ESR1: variants seen among roughly 807,000 people sequenced by gnomAD.
The protein encoded by ESR1 is estrogen receptor 1.
ESR1 carries 12 observed loss-of-function variants against 52.7 expected under a neutral mutation model. That is an observed-to-expected ratio of 0.23 (90% CI 0.15 to 0.37). The LOEUF is 0.37. Ranked by LOEUF, ESR1 falls within the 10% of genes least tolerant of loss-of-function variation. The probability of loss-of-function intolerance (pLI) is 1.00; values close to 1 mark genes in which losing one functional copy is unlikely to be tolerated. For synonymous variants in ESR1, 305 were observed against 316.8 expected (o/e 0.96, Z 0.39); for missense variants, 584 against 779.7 (o/e 0.75, Z 2.99).
chr6:152,105,785 T>G (rs552843540), downstream of ESR1, among the ~76,000 whole-genome samples: 1 of 138,120 alleles, frequency 7.2e-6, no homozygotes, highest in Non-Finnish European at 1.6e-5. Context: ...CTTTTTTTTT[T>G]TTTTTTTTTT....
chr6:151,970,321 G>A (rs1356007366), intron 4 of ESR1, among the ~76,000 whole-genome samples: 1 of 151,980 alleles, frequency 6.6e-6, no homozygotes, highest in Non-Finnish European at 1.5e-5. Flanking sequence ...TTCTGTCGTA[G>A]CATACAAGAC....
intron 5 of ESR1, among the ~76,000 whole-genome samples, chr6:152,042,883 T>C (rs1247137448): frequency 6.6e-6 from 1 of 152,198 alleles, no homozygotes; most frequent in East Asian, 1.9e-4. Context: ...CTTGCCTTGA[T>C]GCTTGAGTGC....
chr6:152,036,567 A>G (rs1394107549), intron 5 of ESR1, among the ~76,000 whole-genome samples: 1 of 152,156 alleles, frequency 6.6e-6, no homozygotes, highest in Non-Finnish European at 1.5e-5. Flanking sequence ...CCCACCATCA[A>G]CTAAGTCAGG....
intron 3 of ESR1, among the ~76,000 whole-genome samples, chr6:151,907,008 TC>T (rs980876298): frequency 2.0e-5 from 3 of 151,968 alleles, no homozygotes; most frequent in African/African-American, 7.2e-5. Context: ...AGCAATACAT[TC>T]TTTCCCTGTT....
upstream of ESR1, among the ~76,000 whole-genome samples, chr6:151,806,325 TAGTAAC>T: frequency 6.6e-6 from 1 of 152,070 alleles, no homozygotes; most frequent in Non-Finnish European, 1.5e-5. Flanking sequence ...ATGTAACTCT[TAGTAAC>T]AGTAAGCTTG....
Position 152,098,507 on chromosome 6 carries a change from G to A in ESR1, c.1554-225G>A, listed in dbSNP as rs2050814682. On this transcript the variant is annotated intron_variant, in intron 7 of 7. Coordinates refer to ENST00000206249, the MANE Select transcript of ESR1 (RefSeq NM_000125.4). The surrounding 1 kb of genome is among the most constrained non-coding windows in gnomAD (Gnocchi z 5.1). The stretch of plus-strand genomic sequence containing the variant: ...AGAGTGTGAGGGTGGGACCGCCCTG[G>A]TAGGAGGTGGAAAATGAAAAACACA... Among the ~76,000 whole-genome samples the A allele has an allele frequency of 6.6e-6, 1 of 151,984 alleles. No individual in the cohort carries two copies. Among genetic ancestry groups the A allele is most frequent in the Non-Finnish European group, 1.5e-5 (1 of 67,974 alleles).
intron 4 of ESR1, among the ~76,000 whole-genome samples, chr6:151,985,771 G>A (rs1435727717): frequency 3.3e-5 from 5 of 151,978 alleles, no homozygotes; most frequent in East Asian, 1.9e-4. Flanking sequence ...GCGTTCAAGC[G>A]ATTCTCATGC....
chr6:151,910,691 T>C (rs1295991643), intron 3 of ESR1, among the ~76,000 whole-genome samples: 1 of 152,228 alleles, frequency 6.6e-6, no homozygotes, highest in African/African-American at 2.4e-5. Context: ...AAAGTAGTTT[T>C]GAAAGTAGGC....
At chr6:151,751,519 T>G (rs1457646355) in intron 2 of ESR1, among the ~76,000 whole-genome samples, 1 of 152,152 alleles carries the variant, frequency 6.6e-6, no homozygotes, top group East Asian at 1.9e-4. Flanking sequence ...TTGTCAGACT[T>G]TGAATGGTTT....
intron 4 of ESR1, among the ~76,000 whole-genome samples, chr6:151,986,093 T>A (rs1285831552): frequency 6.6e-6 from 1 of 152,130 alleles, no homozygotes; most frequent in Non-Finnish European, 1.5e-5. Flanking sequence ...GTGGTCTGGG[T>A]GAGCGGCTCA....
At chr6:151,956,877 TATA>T (rs869095912) in intron 4 of ESR1, among the ~76,000 whole-genome samples, 18 of 138,888 alleles carry the variant, frequency 1.3e-4, no homozygotes, top group Admixed American at 7.4e-4. Flanking sequence ...TATATATATA[TATA>T]AAATTTTTTT....
chr6:151,659,778 A>C (rs2115193002), intron 1 of ESR1, among the ~76,000 whole-genome samples: 1 of 152,358 alleles, frequency 6.6e-6, no homozygotes, highest in African/African-American at 2.4e-5. Flanking sequence ...ATAGAAAATG[A>C]ATGTATGTGA....
intron 3 of ESR1, among the ~76,000 whole-genome samples, chr6:151,894,355 G>T (rs1162553321): frequency 6.6e-6 from 1 of 151,876 alleles, no homozygotes; most frequent in Non-Finnish European, 1.5e-5. Context: ...TGTTTACTCT[G>T]CTGCTGCTCC....
At chr6:152,128,204 C>T in exon 7 of ESR1, 1 of 152,154 alleles carries the variant, frequency 6.6e-6, no homozygotes, top group East Asian at 1.9e-4. Flanking sequence ...CCAGCTAGAC[C>T]ATCATAAGCA....
chr6:151,977,203 A>G (rs919561162), intron 4 of ESR1, among the ~76,000 whole-genome samples: 1 of 152,128 alleles, frequency 6.6e-6, no homozygotes, highest in Non-Finnish European at 1.5e-5. Context: ...TTCCATTTTG[A>G]CTGGCATGTA....
At chr6:152,109,639 T>A (rs1344915841) in intron 6 of ESR1, among the ~76,000 whole-genome samples, 1 of 152,200 alleles carries the variant, frequency 6.6e-6, no homozygotes, top group Non-Finnish European at 1.5e-5. Context: ...TGAGCCGAGA[T>A]TGTGCCATTG....
At chr6:151,711,623 T>C (rs1396709875) in intron 2 of ESR1, among the ~76,000 whole-genome samples, 1 of 152,230 alleles carries the variant, frequency 6.6e-6, no homozygotes, top group Non-Finnish European at 1.5e-5. Context: ...GATGAGCTTT[T>C]TTTCATATGT....
chr6:151,969,674 G>A (rs1054259079), intron 4 of ESR1, among the ~76,000 whole-genome samples: 1 of 152,158 alleles, frequency 6.6e-6, no homozygotes, highest in Non-Finnish European at 1.5e-5. Flanking sequence ...CCACTTACCT[G>A]TCTTCTTGTA....
At chr6:152,042,069 C>G (rs1030080529) in intron 5 of ESR1, among the ~76,000 whole-genome samples, 3 of 152,190 alleles carry the variant, frequency 2.0e-5, no homozygotes, top group Non-Finnish European at 2.9e-5. Context: ...ACCCCTGCAT[C>G]TTTGAAGTCC....
Sources: allele counts gnomAD v4.1 joint callset (sites outside exome capture counted in the v4.1 genomes callset), GRCh38; gene constraint gnomAD v4.1.1; non-coding constraint Gnocchi (gnomAD v3.1); transcripts MANE v1.5; gene names NCBI Gene and HGNC (gene_info 2026-07-23, HGNC 2026-07-21).